Variants in FCRL6 observed in about 807,000 individuals in gnomAD.
FCRL6 encodes the protein Fc receptor-like protein 6.
FCRL6 carries 50 observed loss-of-function variants against 49.1 expected under a neutral mutation model. That is an observed-to-expected ratio of 1.02 (90% CI 0.81 to 1.29). The LOEUF is 1.29. Ranked by LOEUF, FCRL6 falls within the 50% of genes most tolerant of loss-of-function variation. The pLI, the probability that FCRL6 is intolerant of heterozygous loss-of-function variation, is 0.00. For missense variants in FCRL6, 571 were observed against 518.5 expected (o/e 1.10, Z -0.98); for synonymous variants, 213 against 199.6 (o/e 1.07, Z -0.57).
At chr1:159,801,834 T>A (rs1486959896), upstream of FCRL6, among the ~76,000 whole-genome samples, 1 of 152,160 alleles carries the variant, frequency 6.6e-6, no homozygotes, top group East Asian at 1.9e-4. Flanking sequence ...CGAAGCTCCA[T>A]CTGTGTTCTA....
At chr1:159,804,657 C>T (rs1571088879) in intron 1 of FCRL6, among the ~76,000 whole-genome samples, 3 of 152,214 alleles carry the variant, frequency 2.0e-5, no homozygotes, top group Admixed American at 2.0e-4. Flanking sequence ...TTTGTAATCC[C>T]ACCTCCAAGA....
chr1:159,806,344 G>GCGGC (rs1351487211), intron 1 of FCRL6, among the ~76,000 whole-genome samples: 1 of 151,932 alleles, frequency 6.6e-6, no homozygotes, highest in Non-Finnish European at 1.5e-5. Context: ...TCAAGTGGCC[G>GCGGC]GGTGGTTGGG....
At chr1:159,804,358 C>T (rs1310440476) in intron 1 of FCRL6, among the ~76,000 whole-genome samples, 1 of 152,220 alleles carries the variant, frequency 6.6e-6, no homozygotes, top group African/African-American at 2.4e-5. Context: ...TATTTTGTGT[C>T]TTTCCTCTGT....
chr1:159,814,334 AG>A, intron 8 of FCRL6, 42 bp downstream of exon 8: 1 of 1,514,716 alleles, frequency 6.6e-7, no homozygotes, highest in Non-Finnish European at 9.2e-7. Flanking sequence ...TGCAAACAGA[AG>A]TTTTGGACCT....
chr1:159,806,941 TG>T (rs1221746581), intron 2 of FCRL6, among the ~76,000 whole-genome samples: 1 of 152,230 alleles, frequency 6.6e-6, no homozygotes. Context: ...TCAACAAGAC[TG>T]GGACTCCCTT....
Position 159,810,974 on chromosome 1 carries a change from A to G in FCRL6, c.1009+758A>G, listed in dbSNP as rs114382421. On this transcript the variant is annotated intron_variant, in intron 6 of 9. Coordinates refer to ENST00000368106, the MANE Select transcript of FCRL6 (RefSeq NM_001004310.3). ...CATTCTAATCTGAGAAGATCACCCCAGCAGGTTCCCAGGCTGCCCTTTCTC... is the reference window on the plus strand; with the variant it reads ...CATTCTAATCTGAGAAGATCACCCCGGCAGGTTCCCAGGCTGCCCTTTCTC... 2.4e-3 allele frequency among the ~76,000 whole-genome samples: 370 copies of G among 152,368 alleles called. 1 individual carries two copies. Among genetic ancestry groups the G allele is most frequent in the Admixed American group, 6.1e-3 (94 of 15,302 alleles).
In FCRL6 at chr1:159,809,366, G is replaced by C. The variant is rs1321238028; in HGVS notation, c.605-36G>C. On this transcript the variant is annotated intron_variant, in intron 4 of 9. Coordinates refer to ENST00000368106, the MANE Select transcript of FCRL6 (RefSeq NM_001004310.3). ...AGAGGAGGGAGCCAGGGTCCTGGGT[G>C]GTCAGGCTGAGCCTCCCACCCCATG... is the stretch of plus-strand genomic sequence containing the variant. 8 of 1,554,836 alleles carry C rather than the reference G, an allele frequency of 5.1e-6. No individual in the cohort carries two copies. In the South Asian group the frequency reaches 7.4e-5, roughly 14 times the overall value.
chr1:159,811,111 T>G (rs1663063528), intron 6 of FCRL6, among the ~76,000 whole-genome samples: 1 of 152,232 alleles, frequency 6.6e-6, no homozygotes, highest in Non-Finnish European at 1.5e-5. Flanking sequence ...GTTATCTATT[T>G]ATTTTGATAT....
chr1:159,802,340 G>A (rs552169623), upstream of FCRL6: 568 of 1,543,924 alleles, frequency 3.7e-4, 1 homozygote, highest in South Asian at 4.5e-4. Flanking sequence ...ACCCACCTTC[G>A]GTCCTGAGGC....
rs183603442 is a variant in FCRL6 at position 159,813,390 on chromosome 1, C to T, written c.1010-99C>T. 2.6e-4 allele frequency: 276 copies of T among 1,043,796 alleles called. 1 individual carries two copies. In the African/African-American group the frequency reaches 3.5e-3, roughly 13 times the overall value. 64.7% of individuals were successfully genotyped at this position (1,043,796 alleles called of 1,614,324 possible). A position where few individuals can be genotyped will look rare whatever the true frequency, so the allele number is the denominator to read the frequency against. On this transcript the variant is annotated intron_variant, in intron 6 of 9. Coordinates refer to ENST00000368106, the MANE Select transcript of FCRL6 (RefSeq NM_001004310.3). ...TCCTAACCAAACCAGCCTCAAACCT[C>T]CAGCGGCCTCCTTGTCATTCTTGCT...
At chr1:159,809,941 C>T (rs983740655) in intron 5 of FCRL6, among the ~76,000 whole-genome samples, 153 bp from the exon 6 acceptor site, 35 of 152,202 alleles carry the variant, frequency 2.3e-4, no homozygotes, top group Admixed American at 2.2e-3. Flanking sequence ...TTGCTGCCAT[C>T]CCCTGAGCCA....
At chr1:159,810,743 A>G (rs1284751716) in intron 6 of FCRL6, among the ~76,000 whole-genome samples, 1 of 152,216 alleles carries the variant, frequency 6.6e-6, no homozygotes, top group Non-Finnish European at 1.5e-5. Flanking sequence ...GATATTAACT[A>G]TCAGAAAGGA....
chr1:159,814,161 C>T (rs1663249812), intron 7 of FCRL6, 60 bp from the exon 8 acceptor site: 1 of 1,492,420 alleles, frequency 6.7e-7, no homozygotes, highest in Admixed American at 1.7e-5. Context: ...CTTCAGGACA[C>T]TTATGACATG....
chr1:159,805,596 T>C (rs1432335583), intron 1 of FCRL6, among the ~76,000 whole-genome samples: 1 of 152,232 alleles, frequency 6.6e-6, no homozygotes, highest in Non-Finnish European at 1.5e-5. Context: ...TCTGTCATCA[T>C]TTTGTGAGTT....
At chr1:159,812,565 G>C (rs1231024023) in intron 6 of FCRL6, among the ~76,000 whole-genome samples, 6 of 152,206 alleles carry the variant, frequency 3.9e-5, no homozygotes, top group Non-Finnish European at 8.8e-5. Flanking sequence ...GTAAAACAAA[G>C]TTCTGTCAAA....
At position 159,809,275 on chromosome 1, in the gene FCRL6, C is replaced by T. The variant is rs193244258; in HGVS notation, c.604+30C>T. The T allele has an allele frequency of 7.1e-5, 108 of 1,529,368 alleles. No homozygotes were observed. The Middle Eastern group carries it at 1.1e-3, about 15-fold the overall frequency. 94.7% of individuals were successfully genotyped at this position (1,529,368 alleles called of 1,614,324 possible). On this transcript the variant is annotated intron_variant, in intron 4 of 9. Coordinates refer to ENST00000368106, the MANE Select transcript of FCRL6 (RefSeq NM_001004310.3). The stretch of plus-strand genomic sequence containing the variant: ...GTGCGCGAGAGAGTGGAGATGCCCC[C>T]AGGGCCCTGGGCGTCAGGCAGTGGG...
At chr1:159,804,075 A>C (rs1469832924) in intron 1 of FCRL6, among the ~76,000 whole-genome samples, 1 of 152,078 alleles carries the variant, frequency 6.6e-6, no homozygotes, top group Non-Finnish European at 1.5e-5. Flanking sequence ...TCTGAGCTGA[A>C]CATTAGCCAA....
At chr1:159,813,636 G>C (rs1039606580) in intron 7 of FCRL6, 82 bp downstream of exon 7, 4 of 1,217,204 alleles carry the variant, frequency 3.3e-6, no homozygotes, top group Middle Eastern at 1.9e-4. Context: ...GAGCTCTCCA[G>C]AGCCCTGTAT....
intron 6 of FCRL6, among the ~76,000 whole-genome samples, chr1:159,811,048 G>C (rs948368725): frequency 6.6e-6 from 1 of 152,126 alleles, no homozygotes; most frequent in Non-Finnish European, 1.5e-5. Flanking sequence ...AAAATAAAAA[G>C]GTTGGTTAAA....
Sources: gnomAD v4.1 joint callset for allele counts (sites outside exome capture counted in the v4.1 genomes callset) on GRCh38, gnomAD v4.1.1 for gene constraint, MANE v1.5 for transcripts, NCBI Gene and HGNC (gene_info 2026-07-23, HGNC 2026-07-21) for gene names.